DLK1: variants seen among roughly 807,000 people sequenced by gnomAD.
The protein encoded by DLK1 is delta like non-canonical Notch ligand 1.
In DLK1, 9 loss-of-function variants were observed where a neutral mutation model predicts 35.2. The ratio of observed to expected loss-of-function variants is 0.26; its 90% CI spans 0.15 to 0.45. The LOEUF is 0.45. Among genes scored for constraint, DLK1 ranks in the 20% least tolerant of loss-of-function variants. The pLI is 1.00. For synonymous variants in DLK1, 231 were observed against 228.4 expected (o/e 1.01, Z -0.10); for missense variants, 522 against 528.5 (o/e 0.99, Z 0.12).
chr14:100,734,716 C>T lies in DLK1; in HGVS notation c.972C>T (p.Ile324=), dbSNP rs922867503. 5.0e-6 allele frequency: 8 copies of T among 1,614,114 alleles called. No homozygotes were observed. In the African/African-American group the frequency reaches 5.3e-5, roughly 11 times the overall value. Residue 324 remains isoleucine (I), a synonymous_variant, in exon 5 of 5, where the codon ATC becomes ATT. Transcript: ENST00000341267. This position sits in a 1 kb window ranked among gnomAD's most constrained non-coding sequence, Gnocchi z 7.4. Reference sequence around the variant, plus strand: ...TGGTGGTGCTGGGCACTGTGGGTATCGTCTTCCTCAACAAGTGCGAGACCT... The same window carrying T: ...TGGTGGTGCTGGGCACTGTGGGTATTGTCTTCCTCAACAAGTGCGAGACCT... ...TSLVVLGTVG[I]VFLNKCETWV... is the part of the protein sequence containing the mutation.
Position 100,734,171 on chromosome 14 carries a change from A to G in DLK1, c.427A>G (p.Thr143Ala), listed in dbSNP as rs2036540821. The change falls in exon 5 of 5, where the codon ACC (threonine) becomes GCC (alanine). Residue 143 changes from threonine (T) to alanine (A), a missense_variant. By Grantham distance (58) the Thr-to-Ala change is moderately conservative. Transcript: ENST00000341267. This position sits in a 1 kb window ranked among gnomAD's most constrained non-coding sequence, Gnocchi z 7.4. ...INGSPCQHGG[T>A]CVDDEGRASH... is the part of the protein sequence containing the mutation. ...CAGCTCCCCCTGCCAGCACGGAGGCACCTGCGTGGATGATGAGGGCCGGGC... is the reference window on the plus strand; with the variant it reads ...CAGCTCCCCCTGCCAGCACGGAGGCGCCTGCGTGGATGATGAGGGCCGGGC... 1.2e-6 allele frequency: 2 copies of G among 1,610,672 alleles called. No homozygotes were observed.
rs2036572361 is a variant in DLK1 at position 100,736,403 on chromosome 14, T to C, written c.*1507T>C. 6.6e-6 allele frequency: 1 copy of C among 152,134 alleles called. No homozygotes were observed. The highest frequency in any genetic ancestry group is 6.6e-5 in the Admixed American group (1 of 15,266). 9.4% of individuals were successfully genotyped at this position (152,134 alleles called of 1,614,324 possible). A position where few individuals can be genotyped will look rare whatever the true frequency, so the allele number is the denominator to read the frequency against. ...CCAGGTGTTTATTTCTAAGTCATCA[T>C]CACCTTCGTCATCTACAGTCAGTCA... On this transcript the variant is annotated 3_prime_UTR_variant, in exon 5 of 5. Transcript: ENST00000341267.
chr14:100,729,477 C>G (rs972215245), intron 3 of DLK1, among the ~76,000 whole-genome samples: 3 of 151,290 alleles, frequency 2.0e-5, no homozygotes, highest in Non-Finnish European at 4.4e-5. Context: ...ACACGCAAGA[C>G]TGTAAAGAGG....
chr14:100,732,094 C>G lies in DLK1; in HGVS notation c.315C>G (p.Ser105Arg). Residue 105 changes from serine to arginine, a missense_variant, in exon 4 of 5, where the codon AGC (serine) becomes AGG (arginine). Transcript: ENST00000341267. ...APCANNRTCV[S>R]LDDGLYECSC... ...GTGCCAACAACAGGACCTGCGTGAGCCTGGACGATGGCCTCTATGAATGCT... is the reference window on the plus strand; with the variant it reads ...GTGCCAACAACAGGACCTGCGTGAGGCTGGACGATGGCCTCTATGAATGCT... The G allele has an allele frequency of 6.2e-7, 1 of 1,613,974 alleles. No homozygotes were observed. Among genetic ancestry groups the G allele is most frequent in the Non-Finnish European group, 8.5e-7 (1 of 1,179,834 alleles).
At chr14:100,731,984 G>T in intron 3 of DLK1, 58 bp from the exon 4 acceptor site, 1 of 1,544,528 alleles carries the variant, frequency 6.5e-7, no homozygotes, top group Non-Finnish European at 8.7e-7. Flanking sequence ...ACTGGGGCCC[G>T]CATCACGCTC....
At chr14:100,728,767 T>G in intron 2 of DLK1, 169 bp from the exon 3 acceptor site, 1 of 974,968 alleles carries the variant, frequency 1.0e-6, no homozygotes, top group Non-Finnish European at 1.5e-6. Context: ...TTGGCATGTT[T>G]TCTCTTTAAG....
chr14:100,734,455 C>T lies in DLK1; in HGVS notation c.711C>T (p.Pro237=), dbSNP rs979868948. 8.7e-6 allele frequency: 14 copies of T among 1,611,800 alleles called. No individual in the cohort carries two copies. The highest frequency in any genetic ancestry group is 6.7e-5 in the African/African-American group (5 of 74,900). The change falls in exon 5 of 5, where the codon CCC becomes CCT. Residue 237 remains proline (P), a synonymous_variant. Transcript: ENST00000341267. The surrounding 1 kb of genome is among the most constrained non-coding windows in gnomAD (Gnocchi z 7.4). The part of the protein sequence containing the change: ...TQVSYECLCK[P]EFTGLTCVKK... Reference sequence around the variant, plus strand: ...TGAGCTACGAGTGTCTGTGCAAGCCCGAGTTCACAGGTCTCACCTGTGTCA... The same window carrying T: ...TGAGCTACGAGTGTCTGTGCAAGCCTGAGTTCACAGGTCTCACCTGTGTCA...
rs189124625 is a variant in DLK1 at position 100,728,577 on chromosome 14, G to A, written c.131+118G>A. ...CACTACGCTGCAGCAAACAGCTTCC[G>A]GGCCCCTGCAGAAAACTGGTGGGGC... On this transcript the variant is annotated intron_variant, in intron 2 of 4. Coordinates refer to ENST00000341267, the MANE Select transcript of DLK1 (RefSeq NM_003836.7). The A allele has an allele frequency of 1.4e-3, 1,042 of 745,518 alleles. 10 individuals carry two copies. In the African/African-American group the frequency reaches 0.016, roughly 12 times the overall value. 46.2% of individuals were successfully genotyped at this position (745,518 alleles called of 1,614,324 possible).
rs1490118033 is a variant in DLK1 at position 100,732,123 on chromosome 14, G to T, written c.344G>T (p.Cys115Phe). 1 of 1,614,176 alleles carries T rather than the reference G, an allele frequency of 6.2e-7. No homozygotes were observed. The highest frequency in any genetic ancestry group is 1.1e-5 in the South Asian group (1 of 91,072). The change falls in exon 4 of 5, where the codon TGT (cysteine) becomes TTT (phenylalanine). Residue 115 changes from cysteine to phenylalanine, a missense_variant. Physicochemically the swap from Cys to Phe is radical, Grantham distance 205. Coordinates refer to ENST00000341267, the MANE Select transcript of DLK1 (RefSeq NM_003836.7). ...GACGATGGCCTCTATGAATGCTCCTGTGCCCCCGGGTACTCGGGAAAGGAC... is the reference window on the plus strand; with the variant it reads ...GACGATGGCCTCTATGAATGCTCCTTTGCCCCCGGGTACTCGGGAAAGGAC... ...SLDDGLYECS[C>F]APGYSGKDCQ...
rs876375 is a variant in DLK1, at chr14:100,737,982, A to G, written c.*3086A>G. ...TGTCGGGATCCTTGACTGCCCAGCC[A>G]CACCTTGTGTGTGTCTGGTGTAGTG... is the stretch of plus-strand genomic sequence containing the variant. On this transcript the variant is annotated 3_prime_UTR_variant, in exon 5 of 5. Transcript: ENST00000341267. 0.38 allele frequency: 58,011 copies of G among 152,000 alleles called. 12,400 individuals carry two copies. The highest frequency in any genetic ancestry group is 0.5 in the Non-Finnish European group (33,761 of 67,954). The allele number at this position is 152,000 out of a possible 1,614,324, so 9.4% of individuals were successfully genotyped here.
At chr14:100,728,297 G>A in intron 1 of DLK1, 99 bp from the exon 2 acceptor site, 1 of 1,332,608 alleles carries the variant, frequency 7.5e-7, no homozygotes, top group Non-Finnish European at 1.1e-6. Context: ...AGGGCTGTTG[G>A]TGCCCTCGAG....
At chr14:100,727,461 G>T (rs944396565) in intron 1 of DLK1, among the ~76,000 whole-genome samples, 2 of 152,186 alleles carry the variant, frequency 1.3e-5, no homozygotes, top group Non-Finnish European at 2.9e-5. Flanking sequence ...AAAATACTCT[G>T]GGGTGCAACT....
intron 1 of DLK1, 55 bp downstream of exon 1, chr14:100,727,190 C>A (rs1042064924): frequency 2.3e-5 from 34 of 1,486,620 alleles, no homozygotes; most frequent in Admixed American, 6.4e-5. Flanking sequence ...TGCGACTCCC[C>A]GCCGGCCGCC....
intron 4 of DLK1, among the ~76,000 whole-genome samples, chr14:100,732,474 C>T (rs1023445356): frequency 3.9e-5 from 6 of 152,192 alleles, no homozygotes; most frequent in African/African-American, 1.2e-4. Flanking sequence ...CTCGGAGCTG[C>T]GTAATTTTCT....
Position 100,730,777 on chromosome 14 carries a change from A to G in DLK1, c.263-1265A>G, listed in dbSNP as rs574581943. 2.6e-5 allele frequency among the ~76,000 whole-genome samples: 4 copies of G among 152,340 alleles called. 1 individual carries two copies. Among genetic ancestry groups the G allele is most frequent in the African/African-American group, 9.6e-5 (4 of 41,588 alleles). ...ATGCCTTGCCGGTGCCGTCCCGTAA[A>G]GATAAATCCTCTTTATGTGTCCTTG... is the stretch of plus-strand genomic sequence containing the variant. On this transcript the variant is annotated intron_variant, in intron 3 of 4. Transcript: ENST00000341267.
Position 100,727,057 on chromosome 14 carries a change from G to A in DLK1, c.-12G>A. ...GCACCGCTCCCGGGACCGCGACCCC[G>A]GCCGCCCAGAGATGACCGCGACCGA... On this transcript the variant is annotated 5_prime_UTR_variant, in exon 1 of 5. Coordinates refer to ENST00000341267, the MANE Select transcript of DLK1 (RefSeq NM_003836.7). 2 of 1,561,380 alleles carry A rather than the reference G, an allele frequency of 1.3e-6. No homozygotes were observed. Among genetic ancestry groups the A allele is most frequent in the Admixed American group, 1.8e-5 (1 of 55,322 alleles).
chr14:100,738,172 T>C lies in DLK1; in HGVS notation c.*3276T>C, dbSNP rs1182936504. 6.6e-6 allele frequency: 1 copy of C among 152,164 alleles called. No homozygotes were observed. The highest frequency in any genetic ancestry group is 1.5e-5 in the Non-Finnish European group (1 of 68,024). 9.4% of individuals were successfully genotyped at this position (152,164 alleles called of 1,614,324 possible). A position where few individuals can be genotyped will look rare whatever the true frequency, so the allele number is the denominator to read the frequency against. On this transcript the variant is annotated 3_prime_UTR_variant, in exon 5 of 5. Transcript: ENST00000341267. ...TTTTAGCTTTCCCGTTTACTACCAG[T>C]CCAGACATGCAAAAAAACCTTGTTT...
intron 1 of DLK1, among the ~76,000 whole-genome samples, chr14:100,728,128 G>A (rs920068538): frequency 1.3e-5 from 2 of 152,212 alleles, no homozygotes; most frequent in African/African-American, 4.8e-5. Flanking sequence ...TTGGGAGTCC[G>A]AGGAGAAGGT....
chr14:100,734,310 G>A lies in DLK1; in HGVS notation c.566G>A (p.Gly189Glu). The A allele has an allele frequency of 6.2e-7, 1 of 1,613,278 alleles. No individual in the cohort carries two copies. Among genetic ancestry groups the A allele is most frequent in the Non-Finnish European group, 8.5e-7 (1 of 1,179,942 alleles). The change falls in exon 5 of 5, where the codon GGG (glycine) becomes GAG (glutamate). Residue 189 changes from glycine (G) to glutamate (E), a missense_variant. Physicochemically the swap from Gly to Glu is moderately conservative, Grantham distance 98. Coordinates refer to ENST00000341267, the MANE Select transcript of DLK1 (RefSeq NM_003836.7). This position sits in a 1 kb window ranked among gnomAD's most constrained non-coding sequence, Gnocchi z 7.4. ...CENDGVCTDI[G>E]GDFRCRCPAG... ...AACGACGGCGTCTGCACTGACATTG[G>A]GGGCGACTTCCGCTGCCGGTGCCCA...
Sources: gnomAD v4.1 joint callset for allele counts (sites outside exome capture counted in the v4.1 genomes callset) on GRCh38, gnomAD v4.1.1 for gene constraint, Gnocchi (gnomAD v3.1) non-coding constraint, MANE v1.5 for transcripts, NCBI Gene and HGNC (gene_info 2026-07-23, HGNC 2026-07-21) for gene names.